GUCY1A2: variants seen among roughly 807,000 people sequenced by gnomAD.
GUCY1A2 encodes guanylate cyclase soluble subunit alpha-2.
In GUCY1A2, 27 loss-of-function variants were observed where a neutral mutation model predicts 63.5. The ratio of observed to expected loss-of-function variants is 0.43; its 90% confidence interval spans 0.31 to 0.59. GUCY1A2 has a LOEUF of 0.59. Ranked by LOEUF, GUCY1A2 falls within the 20% of genes least tolerant of loss-of-function variation. The pLI is 0.11. For synonymous variants in GUCY1A2, 364 were observed against 343.5 expected (o/e 1.06, Z -0.66); for missense variants, 768 against 913.3 (o/e 0.84, Z 2.05).
rs1414261974 is a variant in GUCY1A2 at position 106,680,942 on chromosome 11, G to T, written c.*6607C>A. ...TAATCTGATGTTTAGATACTGTTCAGTATAAACATAAATTTACTAGTTGAT... is the reference window on the plus strand; with the variant it reads ...TAATCTGATGTTTAGATACTGTTCATTATAAACATAAATTTACTAGTTGAT... On this transcript the variant is annotated 3_prime_UTR_variant, in exon 8 of 8. Coordinates refer to ENST00000526355, the MANE Select transcript of GUCY1A2 (RefSeq NM_000855.3). 1.5e-5 allele frequency: 3 copies of T among 202,732 alleles called. No individual in the cohort carries two copies. The highest frequency in any genetic ancestry group is 6.0e-5 in the Admixed American group (1 of 16,704). The allele number at this position is 202,732 out of a possible 1,614,324, so 12.6% of individuals were successfully genotyped here.
intron 5 of GUCY1A2, among the ~76,000 whole-genome samples, chr11:106,785,513 C>T (rs1446847654): frequency 6.6e-6 from 1 of 151,730 alleles, no homozygotes; most frequent in East Asian, 1.9e-4. Flanking sequence ...TTATACTCCT[C>T]TCCGCCTACT....
chr11:106,905,688 G>C (rs549609881), intron 4 of GUCY1A2, among the ~76,000 whole-genome samples: 1 of 152,052 alleles, frequency 6.6e-6, no homozygotes, highest in Non-Finnish European at 1.5e-5. Flanking sequence ...ACAAATTAGA[G>C]CCAGGAAAGC....
intron 4 of GUCY1A2, among the ~76,000 whole-genome samples, chr11:106,835,766 T>C (rs1053536118): frequency 6.6e-6 from 1 of 151,864 alleles, no homozygotes; most frequent in Non-Finnish European, 1.5e-5. Flanking sequence ...CATCCTAGTG[T>C]GGTACACTCA....
At chr11:106,706,392 C>T (rs927280962) in intron 7 of GUCY1A2, among the ~76,000 whole-genome samples, 1 of 152,006 alleles carries the variant, frequency 6.6e-6, no homozygotes, top group African/African-American at 2.4e-5. Flanking sequence ...AGGTGCAGAA[C>T]AATAACACAA....
chr11:106,809,247 T>G (rs980860730), intron 5 of GUCY1A2, among the ~76,000 whole-genome samples: 3 of 152,120 alleles, frequency 2.0e-5, no homozygotes, highest in African/African-American at 7.2e-5. Flanking sequence ...ATTCCCTTCA[T>G]ATAAAAAAAG....
At chr11:106,737,029 C>G (rs924354621) in intron 6 of GUCY1A2, among the ~76,000 whole-genome samples, 3 of 152,180 alleles carry the variant, frequency 2.0e-5, no homozygotes, top group African/African-American at 7.2e-5. Flanking sequence ...GGCAGCTCCA[C>G]TGACTTTACT....
intron 5 of GUCY1A2, among the ~76,000 whole-genome samples, chr11:106,779,898 A>T (rs1355006499): frequency 6.6e-6 from 1 of 152,232 alleles, no homozygotes; most frequent in Non-Finnish European, 1.5e-5. Flanking sequence ...TAAAACTTTA[A>T]GACTAGGCGT....
chr11:106,859,282 G>T (rs1859476802), intron 4 of GUCY1A2, among the ~76,000 whole-genome samples: 2 of 145,252 alleles, frequency 1.4e-5, no homozygotes. Context: ...ATTTTTGTAT[G>T]AACATTTGAA....
chr11:106,954,956 T>C (rs756580992), intron 3 of GUCY1A2, among the ~76,000 whole-genome samples: 40 of 151,628 alleles, frequency 2.6e-4, no homozygotes, highest in Non-Finnish European at 4.7e-4. Flanking sequence ...TGACTCCTTA[T>C]TCAATTTGCC....
In GUCY1A2 at chr11:106,682,659, T is replaced by A; in HGVS notation, c.*4890A>T. ...CCAAGTCCTTCCAAAGAAACTTACT[T>A]CTTTCAATCATGAAACATCTACATT... On this transcript the variant is annotated 3_prime_UTR_variant, in exon 8 of 8. Transcript: ENST00000526355. The A allele has an allele frequency of 4.7e-6, 1 of 211,416 alleles. No homozygotes were observed. 13.1% of individuals were successfully genotyped at this position (211,416 alleles called of 1,614,324 possible).
chr11:106,820,693 T>C (rs7933151), intron 4 of GUCY1A2, among the ~76,000 whole-genome samples: 138,801 of 152,232 alleles, frequency 0.91, 63,363 homozygotes, highest in East Asian at 1. Flanking sequence ...CCACTGCACC[T>C]GGCCTAGCCT....
intron 4 of GUCY1A2, among the ~76,000 whole-genome samples, chr11:106,865,995 G>A (rs1013164918): frequency 1.3e-5 from 2 of 151,800 alleles, no homozygotes; most frequent in African/African-American, 4.8e-5. Flanking sequence ...TTACTCCACA[G>A]CATCTATCAT....
At chr11:106,895,328 C>T (rs757575780) in intron 4 of GUCY1A2, among the ~76,000 whole-genome samples, 1 of 152,092 alleles carries the variant, frequency 6.6e-6, no homozygotes, top group Non-Finnish European at 1.5e-5. Context: ...TTATACCATG[C>T]CATTTTTCTA....
At chr11:106,694,704 C>T (rs989547837) in intron 7 of GUCY1A2, among the ~76,000 whole-genome samples, 9 of 152,148 alleles carry the variant, frequency 5.9e-5, no homozygotes, top group Admixed American at 5.2e-4. Context: ...TCCTGACGTC[C>T]AAAGGCTGGT....
At chr11:106,773,829 A>G (rs1448484899) in intron 6 of GUCY1A2, among the ~76,000 whole-genome samples, 2 of 152,306 alleles carry the variant, frequency 1.3e-5, no homozygotes, top group Non-Finnish European at 1.5e-5. Flanking sequence ...GTTGTATTTT[A>G]ATTTTTTAGT....
At chr11:106,984,595 A>G (rs1861377772) in intron 2 of GUCY1A2, among the ~76,000 whole-genome samples, 1 of 152,244 alleles carries the variant, frequency 6.6e-6, no homozygotes, top group Admixed American at 6.5e-5. Context: ...TTCGAAAGCG[A>G]AAGAGCATTC....
chr11:106,835,096 T>C (rs1264812991), intron 4 of GUCY1A2, among the ~76,000 whole-genome samples: 1 of 151,684 alleles, frequency 6.6e-6, no homozygotes, highest in Non-Finnish European at 1.5e-5. Context: ...AAAAACATAA[T>C]AGATTTAGCT....
rs115382562 is a variant in GUCY1A2 at position 106,706,617 on chromosome 11, T to C, written c.1991+1895A>G. On this transcript the variant is annotated intron_variant, in intron 7 of 7. Transcript: ENST00000526355. ...GTTATGATGTCTAAGCAACAGGGCA[T>C]GAACTCCTCACACAGGTTGGGCCCA... Among the ~76,000 whole-genome samples the C allele has an allele frequency of 3.9e-3, 560 of 144,118 alleles. 2 individuals are homozygous for C. The highest frequency in any genetic ancestry group is 0.014 in the African/African-American group (521 of 37,570). The allele number at this position is 144,118 out of a possible 152,430, so 94.5% of individuals were successfully genotyped here.
intron 6 of GUCY1A2, among the ~76,000 whole-genome samples, chr11:106,724,321 G>C (rs1480961327): frequency 1.3e-5 from 2 of 152,196 alleles, no homozygotes; most frequent in African/African-American, 2.4e-5. Context: ...CAAGTTAAAA[G>C]GAAGAAGAGT....
Sources: allele counts gnomAD v4.1 joint callset (sites outside exome capture counted in the v4.1 genomes callset), GRCh38; gene constraint gnomAD v4.1.1; transcripts MANE v1.5; gene names NCBI Gene and HGNC (gene_info 2026-07-23, HGNC 2026-07-21).